Variants in CCNA1 observed in about 807,000 individuals in gnomAD.
The protein encoded by CCNA1 is cyclin-A1.
CCNA1 carries 23 observed loss-of-function variants against 54.1 expected under a neutral mutation model. That is an observed-to-expected ratio of 0.42 (90% CI 0.31 to 0.60). The LOEUF (loss-of-function observed/expected upper bound fraction) is 0.60. Among genes scored for constraint, CCNA1 ranks in the 20% least tolerant of loss-of-function variants. CCNA1 has a pLI of 0.14. For synonymous variants in CCNA1, 208 were observed against 213.9 expected (o/e 0.97, Z 0.24); for missense variants, 450 against 556.7 (o/e 0.81, Z 1.93).
chr13:36,431,556 G>A (rs967981725), upstream of CCNA1: 3 of 152,252 alleles, frequency 2.0e-5, no homozygotes, highest in Non-Finnish European at 4.4e-5. Context: ...TCACGCAGTT[G>A]CGCAGGAGCC....
intron 2 of CCNA1, among the ~76,000 whole-genome samples, chr13:36,434,657 C>T (rs938739187): frequency 2.2e-4 from 33 of 152,088 alleles, no homozygotes; most frequent in African/African-American, 7.2e-4. Context: ...TCTGTTTAAT[C>T]CTCAGTAACC....
chr13:36,432,583 G>T lies in CCNA1; in HGVS notation c.-39G>T. ...AGGTTTTGGGGCCTCCTGTCTGGTG[G>T]GAGGAGGCCGCAGCGCAGCACCCTG... is the stretch of plus-strand genomic sequence containing the variant. On this transcript the variant is annotated 5_prime_UTR_variant, in exon 1 of 9. Transcript: ENST00000255465. 7.4e-7 allele frequency: 1 copy of T among 1,353,128 alleles called. No homozygotes were observed. Among genetic ancestry groups the T allele is most frequent in the South Asian group, 1.4e-5 (1 of 71,414 alleles). 83.8% of individuals were successfully genotyped at this position (1,353,128 alleles called of 1,614,324 possible).
In CCNA1 at chr13:36,442,695, C is replaced by T. The variant is rs2055890184; in HGVS notation, c.*30C>T. The T allele has an allele frequency of 6.3e-7, 1 of 1,592,468 alleles. No homozygotes were observed. The highest frequency in any genetic ancestry group is 1.1e-5 in the South Asian group (1 of 90,226). Reference sequence around the variant, plus strand: ...CTGAATGGAAGCACTTCCAGAACTTCACCTCCATATCAGAAGTGCCAATAA... The same window carrying T: ...CTGAATGGAAGCACTTCCAGAACTTTACCTCCATATCAGAAGTGCCAATAA... On this transcript the variant is annotated 3_prime_UTR_variant, in exon 9 of 9. Coordinates refer to ENST00000255465, the MANE Select transcript of CCNA1 (RefSeq NM_003914.4).
In CCNA1 at chr13:36,442,818, T is replaced by C; in HGVS notation, c.*153T>C. 1 of 652,506 alleles carries C rather than the reference T, an allele frequency of 1.5e-6. No individual in the cohort carries two copies. Among genetic ancestry groups the C allele is most frequent in the Non-Finnish European group, 2.7e-6 (1 of 372,966 alleles). The allele number at this position is 652,506 out of a possible 1,614,324, so 40.4% of individuals were successfully genotyped here. A position where few individuals can be genotyped will look rare whatever the true frequency, so the allele number is the denominator to read the frequency against. ...GAATTTAGTTTCCCTTAGACTTTAG[T>C]AGTTTGTAATATAGTCCAACATTTT... On this transcript the variant is annotated 3_prime_UTR_variant, in exon 9 of 9. Coordinates refer to ENST00000255465, the MANE Select transcript of CCNA1 (RefSeq NM_003914.4).
At position 36,433,105 on chromosome 13, in the gene CCNA1, C is replaced by A; in HGVS notation, c.181C>A (p.Arg61=). The A allele has an allele frequency of 6.2e-7, 1 of 1,614,164 alleles. No individual in the cohort carries two copies. The highest frequency in any genetic ancestry group is 8.5e-7 in the Non-Finnish European group (1 of 1,180,034). ...TGGAGTTGTGCTGGCTACAGTGGCCCGAGGTCCCGATGCTTGTCAGATACT... is the reference window on the plus strand; with the variant it reads ...TGGAGTTGTGCTGGCTACAGTGGCCAGAGGTCCCGATGCTTGTCAGATACT... The change falls in exon 2 of 9, where the codon CGA becomes AGA. Residue 61 remains arginine, a synonymous_variant. Coordinates refer to ENST00000255465, the MANE Select transcript of CCNA1 (RefSeq NM_003914.4).
Position 36,433,064 on chromosome 13 carries a change from G to A in CCNA1, c.140G>A (p.Cys47Tyr), listed in dbSNP as rs1481648448. The change falls in exon 2 of 9, where the codon TGC becomes TAC. Residue 47 changes from cysteine to tyrosine, a missense_variant. Transcript: ENST00000255465. ...CCCGTGGAGTCTGAAGCAATGCACT[G>A]CAGCAACCCCAAGAGTGGAGTTGTG... The A allele has an allele frequency of 6.2e-7, 1 of 1,613,922 alleles. No homozygotes were observed. Among genetic ancestry groups the A allele is most frequent in the African/African-American group, 1.3e-5 (1 of 74,932 alleles).
intron 2 of CCNA1, among the ~76,000 whole-genome samples, chr13:36,434,826 G>GCCCCCC (rs368520828): frequency 1.1e-4 from 12 of 110,892 alleles, no homozygotes; most frequent in African/African-American, 3.7e-4. Flanking sequence ...CATGAGAGGT[G>GCCCCCC]CCCCCCCCCC....
At chr13:36,440,210 A>C in intron 6 of CCNA1, 27 bp downstream of exon 6, 1 of 1,579,698 alleles carries the variant, frequency 6.3e-7, no homozygotes, top group Non-Finnish European at 8.7e-7. Context: ...ATTTCTAGGA[A>C]CTTCCAGTGC....
intron 2 of CCNA1, 150 bp from the exon 3 acceptor site, chr13:36,437,479 C>A (rs897711871): frequency 3.9e-6 from 3 of 764,616 alleles, no homozygotes; most frequent in Non-Finnish European, 6.5e-6. Flanking sequence ...CTTTTGAAGA[C>A]CTTTTTTTTT....
At chr13:36,434,567 T>C (rs2055777349) in intron 2 of CCNA1, among the ~76,000 whole-genome samples, 2 of 152,210 alleles carry the variant, frequency 1.3e-5, no homozygotes, top group Non-Finnish European at 2.9e-5. Flanking sequence ...TAACCTCTTA[T>C]GTTACCTGGT....
intron 2 of CCNA1, among the ~76,000 whole-genome samples, chr13:36,436,273 T>C (rs1278028959): frequency 1.3e-5 from 2 of 152,216 alleles, no homozygotes; most frequent in Non-Finnish European, 2.9e-5. Context: ...TAATGAAAAC[T>C]AATCCTTAAT....
rs147891358 is a variant in CCNA1, at chr13:36,435,904, C to G, written c.298-1725C>G. Among the ~76,000 whole-genome samples the G allele has an allele frequency of 2.2e-3, 333 of 152,326 alleles. 8 individuals carry two copies. In the East Asian group the frequency reaches 0.054, roughly 25 times the overall value. ...TTGTCTCAGTAAATGGAGTAGCCAT[C>G]CTTTCTGTTATTTAGCCTCCAAACC... On this transcript the variant is annotated intron_variant, in intron 2 of 8. Coordinates refer to ENST00000255465, the MANE Select transcript of CCNA1 (RefSeq NM_003914.4).
At position 36,438,952 on chromosome 13, in the gene CCNA1, T is replaced by G. The variant is rs2055843380; in HGVS notation, c.893+85T>G. 4.2e-6 allele frequency: 4 copies of G among 952,710 alleles called. No individual in the cohort carries two copies. The Admixed American group carries it at 5.7e-5, about 14-fold the overall frequency. The allele number at this position is 952,710 out of a possible 1,614,324, so 59.0% of individuals were successfully genotyped here. A position where few individuals can be genotyped will look rare whatever the true frequency, so the allele number is the denominator to read the frequency against. On this transcript the variant is annotated intron_variant, in intron 5 of 8. Coordinates refer to ENST00000255465, the MANE Select transcript of CCNA1 (RefSeq NM_003914.4). ...TGTCCTCTATTTCTTATTGAAGAAATGCAATGCTTGATAATTAAAACTAGT... is the reference window on the plus strand; with the variant it reads ...TGTCCTCTATTTCTTATTGAAGAAAGGCAATGCTTGATAATTAAAACTAGT...
chr13:36,442,590 A>T (rs1043219179), intron 8 of CCNA1, 24 bp from the exon 9 acceptor site: 8 of 1,613,112 alleles, frequency 5.0e-6, no homozygotes, highest in Non-Finnish European at 6.8e-6. Flanking sequence ...GCTTGTGCTG[A>T]CCTTGCTTTG....
Position 36,442,278 on chromosome 13 carries a change from A to C in CCNA1, c.1320A>C (p.Ala440=). 6.2e-7 allele frequency: 1 copy of C among 1,614,046 alleles called. No homozygotes were observed. Among genetic ancestry groups the C allele is most frequent in the Non-Finnish European group, 8.5e-7 (1 of 1,179,966 alleles). ...ATATACCCCATCGACCTCAGCAAGC[A>C]ATTAGGGAGAAGTACAAGGCTTCAA... The change falls in exon 8 of 9, where the codon GCA becomes GCC. Residue 440 remains alanine (A), a synonymous_variant. Transcript: ENST00000255465.
chr13:36,433,149 C>A lies in CCNA1; in HGVS notation c.225C>A (p.Gly75=), dbSNP rs2055737781. ...AGATACTCACCAGAGCCCCGCTGGG[C>A]CAGGATCCCCCGCAGAGGACAGTGC... Residue 75 remains glycine, a synonymous_variant, in exon 2 of 9, where the codon GGC becomes GGA. Coordinates refer to ENST00000255465, the MANE Select transcript of CCNA1 (RefSeq NM_003914.4). 6.2e-7 allele frequency: 1 copy of A among 1,614,066 alleles called. No individual in the cohort carries two copies.
chr13:36,442,529 A>T (rs1210481237), intron 8 of CCNA1, 85 bp from the exon 9 acceptor site: 1 of 1,384,002 alleles, frequency 7.2e-7, no homozygotes, highest in Admixed American at 1.8e-5. Context: ...TTCTGTTAAA[A>T]CTACTGGAAA....
At chr13:36,441,683 C>A (rs1037347095) in intron 7 of CCNA1, among the ~76,000 whole-genome samples, 1 of 152,144 alleles carries the variant, frequency 6.6e-6, no homozygotes, top group African/African-American at 2.4e-5. Context: ...GAAATGGACC[C>A]CTAGGTTTGG....
chr13:36,437,446 AAGAT>A (rs2055817921), intron 2 of CCNA1, among the ~76,000 whole-genome samples, 179 bp from the exon 3 acceptor site: 1 of 152,166 alleles, frequency 6.6e-6, no homozygotes, highest in Admixed American at 6.5e-5. Context: ...AATGTAGACA[AAGAT>A]AAGGGGGGAA....
Sources: allele counts gnomAD v4.1 joint callset (sites outside exome capture counted in the v4.1 genomes callset), GRCh38; gene constraint gnomAD v4.1.1; transcripts MANE v1.5; gene names NCBI Gene and HGNC (gene_info 2026-07-23, HGNC 2026-07-21).